The following ESYT2 variants were observed in gnomAD, a reference collection of about 807,000 sequenced individuals.
ESYT2 encodes the protein extended synaptotagmin 2.
ESYT2 carries 54 observed loss-of-function variants against 107.2 expected under a neutral mutation model. The ratio of observed to expected loss-of-function variants is 0.50; its 90% CI spans 0.40 to 0.63. ESYT2 has a LOEUF of 0.63. ESYT2 is among the 30% of genes least tolerant of loss of function. ESYT2 has a pLI of 0.00. For synonymous variants in ESYT2, 491 were observed against 434.1 expected, an observed-to-expected ratio of 1.13 and a Z score of -1.63; for missense variants, 1,020 against 1,094.5, an observed-to-expected ratio of 0.93 and a Z score of 0.96.
At chr7:158,811,904 C>T (rs1840003982) in intron 1 of ESYT2, among the ~76,000 whole-genome samples, 1 of 152,210 alleles carries the variant, frequency 6.6e-6, no homozygotes, top group African/African-American at 2.4e-5. Context: ...TTGCTAAATT[C>T]CTAAGCTACC....
chr7:158,782,364 A>C (rs1328087520), intron 6 of ESYT2, among the ~76,000 whole-genome samples: 1 of 133,774 alleles, frequency 7.5e-6, no homozygotes, highest in East Asian at 2.3e-4. Context: ...ACGTGAGTGA[A>C]CGAGTGTGAG....
chr7:158,742,367 C>G (rs369546149), intron 17 of ESYT2, among the ~76,000 whole-genome samples: 81 of 152,362 alleles, frequency 5.3e-4, no homozygotes, highest in African/African-American at 1.9e-3. Flanking sequence ...CAGGCCACGT[C>G]TCAGGCAAGG....
chr7:158,735,604 CAA>C lies in ESYT2; in HGVS notation c.2402_2403del (p.Phe801Ter). The C allele has an allele frequency of 6.2e-7, 1 of 1,613,200 alleles. No homozygotes were observed. Among genetic ancestry groups the C allele is most frequent in the Non-Finnish European group, 8.5e-7 (1 of 1,179,234 alleles). ...KTLNPVFDQSFDFSVSLPEVQ... is the reference protein window; with the variant it reads ...KTLNPVFDQSXDFSVSLPEVQ... ...ACTTCTGGTAACGAAACACTGAAAT[CAA>C]AGCTGAAATAGGAAACGAGAGCCTT... On this transcript the variant is annotated frameshift_variant and splice_region_variant, in exon 21 of 23. Transcript: ENST00000275418. LOFTEE classifies it high-confidence loss of function.
intron 1 of ESYT2, among the ~76,000 whole-genome samples, chr7:158,806,178 A>C (rs1490014538): frequency 6.6e-6 from 1 of 152,230 alleles, no homozygotes; most frequent in Non-Finnish European, 1.5e-5. Flanking sequence ...AATGCGTAGG[A>C]GGCACTGGCC....
intron 17 of ESYT2, 24 bp downstream of exon 17, chr7:158,743,505 G>GT (rs1837286427): frequency 2.5e-6 from 4 of 1,593,384 alleles, no homozygotes; most frequent in Non-Finnish European, 1.7e-6. Flanking sequence ...CCCCTATGGT[G>GT]TTCACTGCAG....
rs901530013 is a variant in ESYT2 at position 158,829,362 on chromosome 7, G to T, written c.57C>A (p.Arg19=). Residue 19 remains arginine (R), a synonymous_variant, in exon 1 of 23, where the codon CGC becomes CGA. Transcript: ENST00000275418. ...PEAGAGGAGG[R]AAPENPGGVL... is the part of the protein sequence containing the mutation. ...CGCCCCCGGGGTTCTCAGGCGCCGC[G>T]CGGCCCCCAGCCCCGCCGGCGCCCG... 2.9e-6 allele frequency: 4 copies of T among 1,364,706 alleles called. No homozygotes were observed. Among genetic ancestry groups the T allele is most frequent in the Non-Finnish European group, 3.8e-6 (4 of 1,062,988 alleles). The allele number at this position is 1,364,706 out of a possible 1,614,324, so 84.5% of individuals were successfully genotyped here. A position where few individuals can be genotyped will look rare whatever the true frequency, so the allele number is the denominator to read the frequency against.
chr7:158,735,639 C>T (rs752684514), intron 20 of ESYT2, 31 bp from the exon 21 acceptor site: 184 of 1,561,306 alleles, frequency 1.2e-4, no homozygotes, highest in Non-Finnish European at 1.5e-4. Context: ...CTTACTTTAT[C>T]CATCATTCTG....
At chr7:158,804,881 G>A (rs913894388) in intron 1 of ESYT2, among the ~76,000 whole-genome samples, 7 of 152,324 alleles carry the variant, frequency 4.6e-5, no homozygotes, top group Non-Finnish European at 1.0e-4. Flanking sequence ...TTCCAAGAAA[G>A]CTGGTGTCCT....
At chr7:158,799,750 C>T (rs1322519805) in intron 1 of ESYT2, among the ~76,000 whole-genome samples, 1 of 152,184 alleles carries the variant, frequency 6.6e-6, no homozygotes, top group African/African-American at 2.4e-5. Context: ...ATACCATCAT[C>T]TCCCACCTTC....
Position 158,764,705 on chromosome 7 carries a change from A to C in ESYT2, c.1073T>G (p.Leu358Arg). 6.2e-7 allele frequency: 1 copy of C among 1,614,144 alleles called. No individual in the cohort carries two copies. ...ATAGACTTCATTCCACTTTGGACTG[A>C]GGTTCTCCTTGATGACTCTGCTTTG... ...IFQSRVIKEN[L>R]SPKWNEVYEA... Residue 358 changes from leucine (L) to arginine (R), a missense_variant, in exon 9 of 23, where the codon CTC (leucine) becomes CGC (arginine). Leu to Arg is a moderately radical substitution (Grantham distance 102). Coordinates refer to ENST00000275418, the MANE Select transcript of ESYT2 (RefSeq NM_001367773.1).
chr7:158,794,928 G>C (rs535993501), intron 3 of ESYT2, among the ~76,000 whole-genome samples: 29 of 152,128 alleles, frequency 1.9e-4, no homozygotes, highest in Admixed American at 9.2e-4. Context: ...AAGTTCCCAG[G>C]CTTTTTCTTT....
intron 7 of ESYT2, among the ~76,000 whole-genome samples, chr7:158,771,020 A>G (rs976563163): frequency 4.6e-5 from 7 of 152,208 alleles, no homozygotes; most frequent in Admixed American, 3.3e-4. Flanking sequence ...ATAGCTAGAA[A>G]TGACTACTGT....
At chr7:158,750,256 G>A (rs1340185354) in intron 14 of ESYT2, among the ~76,000 whole-genome samples, 3 of 151,912 alleles carry the variant, frequency 2.0e-5, no homozygotes, top group African/African-American at 7.3e-5. Flanking sequence ...ATTTTGACTG[G>A]AAGAATAATC....
chr7:158,746,602 G>A (rs1035743978), intron 16 of ESYT2, among the ~76,000 whole-genome samples: 1 of 151,976 alleles, frequency 6.6e-6, no homozygotes, highest in African/African-American at 2.4e-5. Flanking sequence ...TGGAACAGAA[G>A]GAATTCCAGA....
At chr7:158,814,247 C>G (rs1840073826) in intron 1 of ESYT2, among the ~76,000 whole-genome samples, 2 of 146,662 alleles carry the variant, frequency 1.4e-5, no homozygotes, top group South Asian at 4.3e-4. Flanking sequence ...GCACTCCAGC[C>G]TGGGCGACAG....
chr7:158,793,285 T>C (rs1839364575), intron 4 of ESYT2, among the ~76,000 whole-genome samples: 1 of 152,230 alleles, frequency 6.6e-6, no homozygotes, highest in South Asian at 2.1e-4. Flanking sequence ...GAATTATCTT[T>C]GCATTCTGGG....
chr7:158,766,638 A>G (rs996186200), intron 8 of ESYT2, among the ~76,000 whole-genome samples: 22 of 152,228 alleles, frequency 1.4e-4, no homozygotes, highest in African/African-American at 5.1e-4. Flanking sequence ...ATCTAATTAA[A>G]CCAGAAAAAG....
intron 1 of ESYT2, among the ~76,000 whole-genome samples, chr7:158,828,444 C>A (rs879783070): frequency 6.6e-6 from 1 of 152,184 alleles, no homozygotes; most frequent in Non-Finnish European, 1.5e-5. Flanking sequence ...AGCGCGCGCT[C>A]CGGGCAGGGC....
chr7:158,749,564 C>G, intron 15 of ESYT2, 85 bp downstream of exon 15: 1 of 1,298,646 alleles, frequency 7.7e-7, no homozygotes, highest in Non-Finnish European at 1.1e-6. Flanking sequence ...AATGTATTTG[C>G]AACCCGGCAT....
Sources: gnomAD v4.1 joint callset for allele counts (sites outside exome capture counted in the v4.1 genomes callset) on GRCh38, gnomAD v4.1.1 for gene constraint, MANE v1.5 for transcripts, NCBI Gene and HGNC (gene_info 2026-07-23, HGNC 2026-07-21) for gene names.